The following FSIP2 variants were observed in gnomAD, a reference collection of about 807,000 sequenced individuals.
FSIP2 encodes the protein fibrous sheath-interacting protein 2.
In FSIP2, 367 loss-of-function variants were observed where a neutral mutation model predicts 510.5. The observed-to-expected ratio is 0.72, with a 90% CI of 0.66 to 0.78. The LOEUF is 0.78. Among genes scored for constraint, FSIP2 ranks in the 30% least tolerant of loss-of-function variants. The pLI is 0.00. For missense variants in FSIP2, 7,594 were observed against 7,901.7 expected, an observed-to-expected ratio of 0.96 and a Z score of 1.48; for synonymous variants, 2,601 against 2,732.2, an observed-to-expected ratio of 0.95 and a Z score of 1.50.
chr2:185,753,452 C>T (rs1692186404), intron 7 of FSIP2, among the ~76,000 whole-genome samples: 1 of 151,362 alleles, frequency 6.6e-6, no homozygotes, highest in Non-Finnish European at 1.5e-5. Context: ...CTCACCAGGA[C>T]AGGTATGAAT....
chr2:185,768,375 T>C (rs1692539774), intron 13 of FSIP2, among the ~76,000 whole-genome samples: 1 of 152,134 alleles, frequency 6.6e-6, no homozygotes, highest in African/African-American at 2.4e-5. Context: ...TGTTCTCTCT[T>C]ACACTTTTAT....
chr2:185,816,200 ATTT>A lies in FSIP2; in HGVS notation c.20426+739_20426+741del, dbSNP rs74860943. ...ATGTTATACACAGAAAAATCTAGTGATTTTTTTTTTTTCATTCAGCATGCTGGA... is the reference window on the plus strand; with the variant it reads ...ATGTTATACACAGAAAAATCTAGTGATTTTTTTTTCATTCAGCATGCTGGA... On this transcript the variant is annotated intron_variant, in intron 19 of 22. Coordinates refer to ENST00000424728, the MANE Select transcript of FSIP2 (RefSeq NM_173651.4). Among the ~76,000 whole-genome samples the A allele has an allele frequency of 5.4e-5, 8 of 149,066 alleles. No individual in the cohort carries two copies. In the South Asian group the frequency reaches 6.3e-4, roughly 12 times the overall value.
intron 7 of FSIP2, among the ~76,000 whole-genome samples, chr2:185,751,824 C>T (rs950555585): frequency 2.2e-4 from 33 of 151,112 alleles, no homozygotes; most frequent in Non-Finnish European, 4.4e-4. Context: ...TACCATTTCA[C>T]ATATAGTATA....
intron 7 of FSIP2, among the ~76,000 whole-genome samples, chr2:185,751,475 G>GTA (rs1437055631): frequency 7.1e-5 from 10 of 140,724 alleles, no homozygotes; most frequent in Admixed American, 2.2e-4. Flanking sequence ...GTGTGTGTGT[G>GTA]TGTGTGTGTG....
Position 185,756,245 on chromosome 2 carries a change from G to A in FSIP2, c.1045G>A (p.Ala349Thr). ...TSEDIMLVYP[A>T]GDQNTYKETH... is the part of the protein sequence containing the mutation. ...TGAAGATATAATGTTAGTTTATCCT[G>A]CTGGAGACCAGAATACATATAAAGA... Residue 349 changes from alanine (A) to threonine (T), a missense_variant, in exon 9 of 23, where the codon GCT (alanine) becomes ACT (threonine). Ala to Thr is a moderately conservative substitution (Grantham distance 58). Coordinates refer to ENST00000424728, the MANE Select transcript of FSIP2 (RefSeq NM_173651.4). The A allele has an allele frequency of 7.4e-7, 1 of 1,343,440 alleles. No homozygotes were observed. The highest frequency in any genetic ancestry group is 2.5e-5 in the East Asian group (1 of 39,446). 83.2% of individuals were successfully genotyped at this position (1,343,440 alleles called of 1,614,324 possible).
upstream of FSIP2, chr2:185,738,217 A>C: frequency 4.3e-6 from 1 of 233,036 alleles, no homozygotes; most frequent in Non-Finnish European, 8.5e-6. Flanking sequence ...TAGCTCAATG[A>C]CTGGCCCAGA....
At chr2:185,744,177 G>T (rs1420050129) in intron 3 of FSIP2, 145 bp from the exon 4 acceptor site, 1 of 194,428 alleles carries the variant, frequency 5.1e-6, no homozygotes, top group South Asian at 1.9e-4. Context: ...TACTCTTTAT[G>T]CCAAAATGTC....
rs1272520624 is a variant in FSIP2, at chr2:185,789,050, T to G, written c.1914T>G (p.Pro638=). 2 of 1,534,276 alleles carry G rather than the reference T, an allele frequency of 1.3e-6. No homozygotes were observed. The highest frequency in any genetic ancestry group is 1.4e-5 in the African/African-American group (1 of 72,922). The part of the protein sequence containing the change: ...YNKTNLLYSY[P]KLRSCKSDSH... The stretch of plus-strand genomic sequence containing the variant: ...AAACCAACTTGCTATATTCATACCC[T>G]AAGCTCAGAAGTTGTAAATCAGATA... Residue 638 remains proline, a synonymous_variant, in exon 16 of 23, where the codon CCT becomes CCG. Coordinates refer to ENST00000424728, the MANE Select transcript of FSIP2 (RefSeq NM_173651.4).
intron 18 of FSIP2, among the ~76,000 whole-genome samples, chr2:185,814,677 G>C (rs564916226): frequency 6.6e-6 from 1 of 152,106 alleles, no homozygotes; most frequent in African/African-American, 2.4e-5. Flanking sequence ...TGGTCCTGCA[G>C]TATAATCTAC....
At position 185,790,009 on chromosome 2, in the gene FSIP2, G is replaced by C; in HGVS notation, c.2873G>C (p.Arg958Thr). 6.5e-7 allele frequency: 1 copy of C among 1,533,966 alleles called. No homozygotes were observed. The highest frequency in any genetic ancestry group is 8.7e-7 in the Non-Finnish European group (1 of 1,145,574). Residue 958 changes from arginine to threonine, a missense_variant, in exon 16 of 23, where the codon AGG becomes ACG. Coordinates refer to ENST00000424728, the MANE Select transcript of FSIP2 (RefSeq NM_173651.4). ...GTAAATGAAAGTTTTCAAAAAAGTA[G>C]GCAACCTAGAATAAGTAGTCCTTCT... Reference protein sequence around the residue: ...EPVNESFQKSRQPRISSPSDT... With the variant: ...EPVNESFQKSTQPRISSPSDT...
At chr2:185,768,547 ATTT>A (rs1014533799) in intron 13 of FSIP2, among the ~76,000 whole-genome samples, 2 of 151,930 alleles carry the variant, frequency 1.3e-5, no homozygotes, top group African/African-American at 4.8e-5. Context: ...TTTTTATGTT[ATTT>A]TTAATTGGCA....
In FSIP2 at chr2:185,739,397, C is replaced by CTA; in HGVS notation, c.152_153dup (p.Pro52TyrfsTer9). On this transcript the variant is annotated frameshift_variant, in exon 2 of 23. Coordinates refer to ENST00000424728, the MANE Select transcript of FSIP2 (RefSeq NM_173651.4). LOFTEE classifies it high-confidence loss of function. ...GGTTGGACCGGCTCAGCTACTGGAC[C>CTA]TACCTCTCGGGGTCAAGCTGCCTGT... The CTA allele has an allele frequency of 6.5e-7, 1 of 1,535,402 alleles. No individual in the cohort carries two copies.
Position 185,805,641 on chromosome 2 carries a change from A to T in FSIP2, c.16335A>T (p.Ser5445=). 6.2e-7 allele frequency: 1 copy of T among 1,610,508 alleles called. No homozygotes were observed. Among genetic ancestry groups the T allele is most frequent in the Non-Finnish European group, 8.5e-7 (1 of 1,178,362 alleles). ...KENQLSLPDQ[S]YKDTSSTPDC... ...ACCAACTTTCTTTACCAGATCAATC[A>T]TATAAAGATACTTCTTCCACCCCAG... Residue 5445 remains serine, a synonymous_variant, in exon 17 of 23, where the codon TCA becomes TCT. Transcript: ENST00000424728.
chr2:185,791,536 A>G lies in FSIP2; in HGVS notation c.4400A>G (p.Asn1467Ser). Residue 1467 changes from asparagine (N) to serine (S), a missense_variant, in exon 16 of 23, where the codon AAT (asparagine) becomes AGT (serine). Coordinates refer to ENST00000424728, the MANE Select transcript of FSIP2 (RefSeq NM_173651.4). ...SCSQQSREMT[N>S]KNQKMAAALQ... ...AGTCAACAAAGCAGAGAGATGACCA[A>G]TAAGAATCAGAAAATGGCTGCTGCA... The G allele has an allele frequency of 2.6e-6, 4 of 1,534,452 alleles. No homozygotes were observed. Among genetic ancestry groups the G allele is most frequent in the East Asian group, 2.4e-5 (1 of 40,852 alleles).
rs1574193844 is a variant in FSIP2, at chr2:185,802,016, G to C, written c.12710G>C (p.Ser4237Thr). 6.5e-7 allele frequency: 1 copy of C among 1,528,708 alleles called. No individual in the cohort carries two copies. The highest frequency in any genetic ancestry group is 8.7e-7 in the Non-Finnish European group (1 of 1,143,518). The allele number at this position is 1,528,708 out of a possible 1,614,324, so 94.7% of individuals were successfully genotyped here. The change falls in exon 17 of 23, where the codon AGC becomes ACC. Residue 4237 changes from serine to threonine, a missense_variant. Coordinates refer to ENST00000424728, the MANE Select transcript of FSIP2 (RefSeq NM_173651.4). ...SLVSIQKSIV[S>T]RSPIMIDQIA... ...GTTTCAATACAAAAAAGTATAGTAA[G>C]CCGAAGCCCAATTATGATTGACCAA...
At chr2:185,812,528 C>G (rs1344999366) in intron 17 of FSIP2, among the ~76,000 whole-genome samples, 1 of 152,044 alleles carries the variant, frequency 6.6e-6, no homozygotes, top group Non-Finnish European at 1.5e-5. Flanking sequence ...AACAAAAGGA[C>G]ACAGCAGTGA....
intron 19 of FSIP2, among the ~76,000 whole-genome samples, chr2:185,819,662 T>C (rs1346839780): frequency 6.6e-6 from 1 of 151,908 alleles, no homozygotes; most frequent in African/African-American, 2.4e-5. Flanking sequence ...TTTATGACAG[T>C]GTGAAAGCAA....
At chr2:185,825,000 C>T (rs1198410643) in intron 20 of FSIP2, among the ~76,000 whole-genome samples, 1 of 151,570 alleles carries the variant, frequency 6.6e-6, no homozygotes, top group Admixed American at 6.6e-5. Context: ...ACTGTCAAGA[C>T]CTTAGAGGGA....
In FSIP2 at chr2:185,808,059, C is replaced by T. The variant is rs143896544; in HGVS notation, c.18753C>T (p.Asn6251=). 54 of 1,610,250 alleles carry T rather than the reference C, an allele frequency of 3.4e-5. No homozygotes were observed. The African/African-American group carries it at 6.7e-4, about 20-fold the overall frequency. Residue 6251 remains asparagine (N), a synonymous_variant, in exon 17 of 23, where the codon AAC becomes AAT. Coordinates refer to ENST00000424728, the MANE Select transcript of FSIP2 (RefSeq NM_173651.4). ...TAGCTGATAATGCAACTATTGAAAA[C>T]ATAGTTAATTCTATTTATACCAGTG... ...VPVADNATIE[N]IVNSIYTSVL...
Sources: allele counts gnomAD v4.1 joint callset (sites outside exome capture counted in the v4.1 genomes callset), GRCh38; gene constraint gnomAD v4.1.1; transcripts MANE v1.5; gene names NCBI Gene and HGNC (gene_info 2026-07-23, HGNC 2026-07-21).